The following ZNF148 variants were observed in gnomAD, a reference collection of about 807,000 sequenced individuals.
ZNF148 encodes the protein Beta-Enolase Repressor Factor-1.
Under a neutral mutation model 67.7 loss-of-function variants are expected in ZNF148, and 7 were observed. The observed-to-expected ratio is 0.10, with a 90% CI of 0.06 to 0.19. The LOEUF (loss-of-function observed/expected upper bound fraction) is 0.19. Among genes scored for constraint, ZNF148 ranks in the 10% least tolerant of loss-of-function variants. The pLI is 1.00. For synonymous variants in ZNF148, 333 were observed against 330.7 expected (o/e 1.01, Z -0.08); for missense variants, 583 against 947.1 (o/e 0.62, Z 5.05).
At chr3:125,292,110 C>T (rs1939048742) in intron 4 of ZNF148, among the ~76,000 whole-genome samples, 1 of 152,094 alleles carries the variant, frequency 6.6e-6, no homozygotes, top group South Asian at 2.1e-4. Flanking sequence ...TTGATGTAAC[C>T]AGACAACAGG....
intron 2 of ZNF148, among the ~76,000 whole-genome samples, chr3:125,324,928 C>A (rs970899342): frequency 6.6e-6 from 1 of 152,002 alleles, no homozygotes; most frequent in Non-Finnish European, 1.5e-5. Context: ...GCCAGATACA[C>A]TTTTGTGCAA....
chr3:125,351,762 A>T (rs960692652), intron 1 of ZNF148, among the ~76,000 whole-genome samples: 7 of 152,232 alleles, frequency 4.6e-5, no homozygotes, highest in Admixed American at 1.3e-4. Context: ...TTCTCCAAAA[A>T]ATACATACAA....
At chr3:125,335,381 GA>G (rs1363121161) in intron 1 of ZNF148, among the ~76,000 whole-genome samples, 1 of 152,094 alleles carries the variant, frequency 6.6e-6, no homozygotes, top group African/African-American at 2.4e-5. Flanking sequence ...AAGGCATGTA[GA>G]AAAGTCACCC....
In ZNF148 at chr3:125,233,799, G is replaced by T; in HGVS notation, c.927C>A (p.Asp309Glu). Residue 309 changes from aspartate to glutamate, a missense_variant, in exon 9 of 9, where the codon GAC becomes GAA. Asp to Glu is a conservative substitution (Grantham distance 45). Transcript: ENST00000360647. This position sits in a 1 kb window ranked among gnomAD's most constrained non-coding sequence, Gnocchi z 5.1. ...EDSGFSTSPK[D>E]NSLPKKKRQK... ...GCCTTTTCTTTTTTGGCAGTGAGTT[G>T]TCTTTTGGTGATGTAGAAAAGCCAG... 6.2e-7 allele frequency: 1 copy of T among 1,613,712 alleles called. No individual in the cohort carries two copies. The highest frequency in any genetic ancestry group is 8.5e-7 in the Non-Finnish European group (1 of 1,179,876).
At chr3:125,267,644 C>CA (rs1937563416) in intron 7 of ZNF148, among the ~76,000 whole-genome samples, 1 of 152,074 alleles carries the variant, frequency 6.6e-6, no homozygotes, top group Non-Finnish European at 1.5e-5. Flanking sequence ...AAAAGCTGGA[C>CA]ACATTCCCCC....
At position 125,323,408 on chromosome 3, in the gene ZNF148, C is replaced by G; in HGVS notation, c.-116G>C. ...TCTACCTTTCATAGGCTTCAGAAAT[C>G]CTCAATACCACCTTAATCACTTATG... On this transcript the variant is annotated 5_prime_UTR_variant, in exon 3 of 9. Coordinates refer to ENST00000360647, the MANE Select transcript of ZNF148 (RefSeq NM_021964.3). 1 of 695,496 alleles carries G rather than the reference C, an allele frequency of 1.4e-6. No individual in the cohort carries two copies. Among genetic ancestry groups the G allele is most frequent in the South Asian group, 1.5e-5 (1 of 66,010 alleles). 43.1% of individuals were successfully genotyped at this position (695,496 alleles called of 1,614,324 possible).
chr3:125,338,528 T>C (rs756672837), intron 1 of ZNF148, among the ~76,000 whole-genome samples: 1 of 151,742 alleles, frequency 6.6e-6, no homozygotes, highest in African/African-American at 2.4e-5. Context: ...GGCATGGTGG[T>C]ACACGCCTGT....
At chr3:125,372,333 C>A (rs1203485215) in intron 1 of ZNF148, among the ~76,000 whole-genome samples, 1 of 152,086 alleles carries the variant, frequency 6.6e-6, no homozygotes, top group Non-Finnish European at 1.5e-5. Context: ...AGAGATACAG[C>A]CTAAGATTGT....
intron 1 of ZNF148, among the ~76,000 whole-genome samples, chr3:125,333,486 C>T (rs1941371754): frequency 6.6e-6 from 1 of 151,980 alleles, no homozygotes; most frequent in South Asian, 2.1e-4. Flanking sequence ...AATTTCATTT[C>T]TTCAAGCCTC....
Position 125,231,557 on chromosome 3 carries a change from TA to T in ZNF148, c.*783del. ...TTTTACTAAAACTTCAAAACCTTGA[TA>T]CCTGCACATGAAAAATCATAAAAAA... On this transcript the variant is annotated 3_prime_UTR_variant, in exon 9 of 9. Transcript: ENST00000360647. 6.6e-6 allele frequency: 1 copy of T among 152,518 alleles called. No homozygotes were observed. Among genetic ancestry groups the T allele is most frequent in the East Asian group, 1.9e-4 (1 of 5,198 alleles). 9.4% of individuals were successfully genotyped at this position (152,518 alleles called of 1,614,324 possible). A position where few individuals can be genotyped will look rare whatever the true frequency, so the allele number is the denominator to read the frequency against.
chr3:125,322,198 T>A (rs895624611), intron 3 of ZNF148, among the ~76,000 whole-genome samples: 2 of 151,788 alleles, frequency 1.3e-5, no homozygotes, highest in Admixed American at 6.6e-5. Flanking sequence ...CACGGCTAAT[T>A]TTTTTTGTAT....
chr3:125,302,588 T>C (rs1939653346), intron 4 of ZNF148, among the ~76,000 whole-genome samples: 1 of 152,184 alleles, frequency 6.6e-6, no homozygotes, highest in African/African-American at 2.4e-5. Context: ...CAGCTTTTCA[T>C]TGATTCATTT....
rs564159435 is a variant in ZNF148, at chr3:125,363,487, C to A, written c.-234+11615G>T. 6.6e-5 allele frequency among the ~76,000 whole-genome samples: 10 copies of A among 152,296 alleles called. No individual in the cohort carries two copies. In the South Asian group the frequency reaches 2.1e-3, roughly 32 times the overall value. ...CTAATGGCACCATCAATCTCAGTCA[C>A]CCAGATTAAAAGCCCTAGAGCTTTT... On this transcript the variant is annotated intron_variant, in intron 1 of 8. Transcript: ENST00000360647.
chr3:125,326,763 G>GAT (rs910054926), intron 2 of ZNF148, among the ~76,000 whole-genome samples: 3 of 144,402 alleles, frequency 2.1e-5, no homozygotes, highest in African/African-American at 5.1e-5. Context: ...TACATATAAA[G>GAT]ATATATATAT....
At chr3:125,270,803 G>A (rs1937691538) in intron 7 of ZNF148, among the ~76,000 whole-genome samples, 1 of 152,188 alleles carries the variant, frequency 6.6e-6, no homozygotes, top group Non-Finnish European at 1.5e-5. Context: ...TTGAGCCCAG[G>A]AGGTGGAGGC....
chr3:125,258,445 A>AAAAC (rs869187911), intron 7 of ZNF148, among the ~76,000 whole-genome samples: 3 of 144,894 alleles, frequency 2.1e-5, no homozygotes, highest in African/African-American at 7.6e-5. Flanking sequence ...AAAAAAAAAA[A>AAAAC]GGGGGATAGC....
intron 1 of ZNF148, among the ~76,000 whole-genome samples, chr3:125,363,424 C>A (rs527821841): frequency 1.4e-4 from 21 of 152,292 alleles, no homozygotes; most frequent in Non-Finnish European, 2.5e-4. Context: ...TGTCTTAAAA[C>A]CCCAAAACAG....
chr3:125,315,396 A>C (rs575705867), intron 3 of ZNF148, among the ~76,000 whole-genome samples: 13 of 152,082 alleles, frequency 8.5e-5, no homozygotes, highest in South Asian at 8.3e-4. Flanking sequence ...TAAAATAACT[A>C]TATTTTTATG....
At chr3:125,337,953 T>G (rs1247136659) in intron 1 of ZNF148, among the ~76,000 whole-genome samples, 1 of 151,906 alleles carries the variant, frequency 6.6e-6, no homozygotes, top group Non-Finnish European at 1.5e-5. Context: ...AAAAAAAATT[T>G]TTTTTGTTAG....
Sources: allele counts gnomAD v4.1 joint callset (sites outside exome capture counted in the v4.1 genomes callset), GRCh38; gene constraint gnomAD v4.1.1; non-coding constraint Gnocchi (gnomAD v3.1); transcripts MANE v1.5; gene names NCBI Gene and HGNC (gene_info 2026-07-23, HGNC 2026-07-21).